Variants in ATP10B observed in about 807,000 individuals in gnomAD.
The protein encoded by ATP10B is phospholipid-transporting ATPase VB.
In ATP10B, 122 loss-of-function variants were observed where a neutral mutation model predicts 141.2. The ratio of observed to expected loss-of-function variants is 0.86; its 90% CI spans 0.75 to 1.00. ATP10B has a LOEUF of 1.00. Among genes scored for constraint, ATP10B ranks in the 50% least tolerant of loss-of-function variants. The pLI is 0.00. For missense variants in ATP10B, 1,876 were observed against 1,825.3 expected, an observed-to-expected ratio of 1.03 and a Z score of -0.51; for synonymous variants, 685 against 692.0, an observed-to-expected ratio of 0.99 and a Z score of 0.16.
chr5:160,809,143 T>C (rs1224485063), intron 1 of ATP10B, among the ~76,000 whole-genome samples: 1 of 152,248 alleles, frequency 6.6e-6, no homozygotes, highest in East Asian at 1.9e-4. Flanking sequence ...CTGTGAAGGC[T>C]ACATAGTAAA....
chr5:160,928,179 T>G, the ATP10B span, among the ~76,000 whole-genome samples: 4 of 152,148 alleles, frequency 2.6e-5, no homozygotes, highest in Non-Finnish European at 5.9e-5. Context: ...TTTCCTTCCC[T>G]TTTTTTATTG....
Position 160,608,844 on chromosome 5 carries a change from T to C in ATP10B, c.2839-1758A>G, listed in dbSNP as rs185923226. Among the ~76,000 whole-genome samples the C allele has an allele frequency of 1.1e-3, 175 of 152,354 alleles. 2 individuals are homozygous for C. The highest frequency in any genetic ancestry group is 1.9e-3 in the Non-Finnish European group (130 of 68,026). The stretch of plus-strand genomic sequence containing the variant: ...TTCTGGATATTAGCCCTTTGTCAGA[T>C]GGGTAGATTGCAAAAATTTTCTCCC... On this transcript the variant is annotated intron_variant, in intron 18 of 25. Transcript: ENST00000327245.
chr5:160,650,118 T>TTATATATATATATATATATATATATA (rs147437606), intron 7 of ATP10B, among the ~76,000 whole-genome samples: 1 of 145,966 alleles, frequency 6.9e-6, no homozygotes, highest in African/African-American at 2.6e-5. Flanking sequence ...AAAAAAAATT[T>TTATATATATATATATATATATATATA]TATATATATA....
chr5:160,776,287 G>A (rs533438999), intron 2 of ATP10B, among the ~76,000 whole-genome samples: 44 of 152,328 alleles, frequency 2.9e-4, no homozygotes, highest in African/African-American at 1.0e-3. Context: ...TCGAGTCCCA[G>A]TTCTGCTACT....
the ATP10B span, among the ~76,000 whole-genome samples, chr5:160,924,321 CT>C: frequency 1.3e-5 from 2 of 152,216 alleles, no homozygotes; most frequent in Admixed American, 6.5e-5. Flanking sequence ...CTGGGTGCCC[CT>C]GGGCCAACTT....
At chr5:160,728,827 T>TCA (rs1453114143) in intron 2 of ATP10B, among the ~76,000 whole-genome samples, 1 of 152,222 alleles carries the variant, frequency 6.6e-6, no homozygotes, top group Non-Finnish European at 1.5e-5. Context: ...ATGTGTTGTT[T>TCA]TCATCTCTTT....
the ATP10B span, among the ~76,000 whole-genome samples, chr5:160,880,435 C>T: frequency 6.6e-6 from 1 of 151,882 alleles, no homozygotes; most frequent in Non-Finnish European, 1.5e-5. Flanking sequence ...TTGTGGCTAT[C>T]AACAAACTAA....
At chr5:160,849,444 T>C (rs1416719861) in intron 1 of ATP10B, among the ~76,000 whole-genome samples, 2 of 152,120 alleles carry the variant, frequency 1.3e-5, no homozygotes, top group South Asian at 2.1e-4. Context: ...CAGTGATCAC[T>C]AATAACGAAA....
chr5:160,708,854 T>C (rs1040520153), intron 3 of ATP10B, among the ~76,000 whole-genome samples: 2 of 152,214 alleles, frequency 1.3e-5, no homozygotes, highest in Non-Finnish European at 2.9e-5. Context: ...TGCAAGGTTC[T>C]TGAATTATCT....
At chr5:160,785,326 A>G (rs1284370927) in intron 2 of ATP10B, among the ~76,000 whole-genome samples, 2 of 152,182 alleles carry the variant, frequency 1.3e-5, no homozygotes, top group Non-Finnish European at 2.9e-5. Context: ...GGGAATATAT[A>G]CAATGGAGAA....
chr5:160,654,306 T>A (rs1446962095), intron 7 of ATP10B, among the ~76,000 whole-genome samples: 1 of 151,994 alleles, frequency 6.6e-6, no homozygotes, highest in Non-Finnish European at 1.5e-5. Flanking sequence ...TCTGATTCCC[T>A]TGTGAGACGG....
chr5:160,799,673 T>G (rs1772235952), intron 1 of ATP10B, among the ~76,000 whole-genome samples: 1 of 152,168 alleles, frequency 6.6e-6, no homozygotes, highest in South Asian at 2.1e-4. Context: ...CATTCATGAA[T>G]GCTAGCACCT....
chr5:160,725,114 T>C (rs990722377), intron 2 of ATP10B, among the ~76,000 whole-genome samples: 1 of 152,084 alleles, frequency 6.6e-6, no homozygotes, highest in Non-Finnish European at 1.5e-5. Context: ...AATAAAAAAG[T>C]TTAAGATTAA....
chr5:160,591,850 C>G (rs1029873094), intron 22 of ATP10B, among the ~76,000 whole-genome samples: 2 of 152,180 alleles, frequency 1.3e-5, no homozygotes, highest in African/African-American at 2.4e-5. Context: ...ATGCCCCCTT[C>G]GTCTGGACTG....
the ATP10B span, among the ~76,000 whole-genome samples, chr5:160,922,614 C>A: frequency 6.6e-6 from 1 of 152,180 alleles, no homozygotes; most frequent in East Asian, 1.9e-4. Context: ...TGACCCAGTA[C>A]TTAACCTTCT....
rs1247971684 is a variant in ATP10B, at chr5:160,663,246, C to A, written c.675+7217G>T. Among the ~76,000 whole-genome samples, 6 of 152,154 alleles carry A rather than the reference C, an allele frequency of 3.9e-5. No individual in the cohort carries two copies. In the South Asian group the frequency reaches 8.3e-4, roughly 21 times the overall value. ...GTCAGTGTGGCAATTCCTCAGGGAT[C>A]TAGAACTAGAAATACCATTTGACCC... On this transcript the variant is annotated intron_variant, in intron 7 of 25. Transcript: ENST00000327245.
At chr5:160,847,813 C>A (rs889932789) in intron 1 of ATP10B, among the ~76,000 whole-genome samples, 2 of 152,154 alleles carry the variant, frequency 1.3e-5, no homozygotes, top group African/African-American at 2.4e-5. Context: ...TTTACACCAG[C>A]TCATGGAAAC....
At chr5:160,744,374 T>C (rs1328194171) in intron 2 of ATP10B, among the ~76,000 whole-genome samples, 1 of 152,094 alleles carries the variant, frequency 6.6e-6, no homozygotes, top group African/African-American at 2.4e-5. Context: ...TCTCTCCCTT[T>C]CCCGGAGACA....
chr5:160,873,182 C>T, the ATP10B span, among the ~76,000 whole-genome samples: 2 of 148,596 alleles, frequency 1.3e-5, no homozygotes, highest in Admixed American at 6.7e-5. Context: ...TCTCTGCGGT[C>T]TCTTGTTTTG....
Sources: gnomAD v4.1 joint callset for allele counts (sites outside exome capture counted in the v4.1 genomes callset) on GRCh38, gnomAD v4.1.1 for gene constraint, MANE v1.5 for transcripts, NCBI Gene and HGNC (gene_info 2026-07-23, HGNC 2026-07-21) for gene names.